Variants in ARNT2 observed in about 807,000 individuals in gnomAD.
ARNT2 encodes the protein ARNT protein 2.
Under a neutral mutation model 91.7 loss-of-function variants are expected in ARNT2, and 36 were observed. The observed-to-expected ratio is 0.39, with a 90% CI of 0.30 to 0.52. ARNT2 has a LOEUF of 0.52. Ranked by LOEUF, ARNT2 falls within the 20% of genes least tolerant of loss-of-function variation. The pLI, the probability that ARNT2 is intolerant of heterozygous loss-of-function variation, is 0.72. For synonymous variants in ARNT2, 365 were observed against 347.1 expected, an observed-to-expected ratio of 1.05 and a Z score of -0.57; for missense variants, 775 against 939.3, an observed-to-expected ratio of 0.83 and a Z score of 2.29.
At chr15:80,512,248 T>C (rs1459797950) in intron 6 of ARNT2, among the ~76,000 whole-genome samples, 1 of 152,180 alleles carries the variant, frequency 6.6e-6, no homozygotes, top group Non-Finnish European at 1.5e-5. Flanking sequence ...TCTCACCCAC[T>C]CCTTGGGCTC....
chr15:80,500,176 C>A (rs1383235679), intron 5 of ARNT2, among the ~76,000 whole-genome samples: 1 of 152,184 alleles, frequency 6.6e-6, no homozygotes, highest in African/African-American at 2.4e-5. Context: ...TGTCCTATGG[C>A]CTGGTGTTTT....
At chr15:80,448,356 A>C (rs961487057) in intron 1 of ARNT2, among the ~76,000 whole-genome samples, 1 of 152,258 alleles carries the variant, frequency 6.6e-6, no homozygotes, top group Non-Finnish European at 1.5e-5. Flanking sequence ...ACTAGACATG[A>C]AATCAGACAA....
chr15:80,448,175 T>C (rs1896333273), intron 1 of ARNT2, among the ~76,000 whole-genome samples: 1 of 152,220 alleles, frequency 6.6e-6, no homozygotes, highest in Admixed American at 6.5e-5. Flanking sequence ...CAGCTGACAC[T>C]TTGACCTAGA....
chr15:80,530,358 T>G (rs1407155470), intron 8 of ARNT2, among the ~76,000 whole-genome samples: 2 of 152,128 alleles, frequency 1.3e-5, no homozygotes, highest in African/African-American at 4.8e-5. Context: ...GCCACCATAC[T>G]GCTTGCTGGG....
chr15:80,486,884 A>T (rs1299290708), intron 5 of ARNT2, among the ~76,000 whole-genome samples: 1 of 152,166 alleles, frequency 6.6e-6, no homozygotes, highest in African/African-American at 2.4e-5. Context: ...GCCCATTCAG[A>T]TGTGAACGTG....
chr15:80,449,455 A>G (rs956634090), intron 1 of ARNT2, among the ~76,000 whole-genome samples: 6 of 152,184 alleles, frequency 3.9e-5, no homozygotes, highest in Non-Finnish European at 7.4e-5. Context: ...AATACTGTCT[A>G]GCTGTCACAA....
At chr15:80,443,181 A>G (rs567317463) in intron 1 of ARNT2, among the ~76,000 whole-genome samples, 23 of 152,368 alleles carry the variant, frequency 1.5e-4, no homozygotes, top group African/African-American at 5.5e-4. Context: ...TTCTTGCCAG[A>G]GGACATAGCA....
At chr15:80,579,810 C>T (rs966865944) in intron 15 of ARNT2, among the ~76,000 whole-genome samples, 21 of 152,136 alleles carry the variant, frequency 1.4e-4, no homozygotes, top group African/African-American at 4.6e-4. Context: ...GCAGAGAGCA[C>T]GGCACACAGC....
intron 5 of ARNT2, among the ~76,000 whole-genome samples, chr15:80,500,641 G>A (rs1439655830): frequency 1.3e-5 from 2 of 152,104 alleles, no homozygotes; most frequent in African/African-American, 2.4e-5. Context: ...TTACAGAAGG[G>A]CCCTCTGCCC....
intron 8 of ARNT2, among the ~76,000 whole-genome samples, chr15:80,522,472 A>T (rs1213265728): frequency 2.0e-5 from 3 of 152,152 alleles, no homozygotes; most frequent in African/African-American, 7.2e-5. Flanking sequence ...AGGCAATTTA[A>T]TCGTTGTGTG....
At chr15:80,413,824 G>A (rs1389550479) in intron 1 of ARNT2, among the ~76,000 whole-genome samples, 1 of 152,148 alleles carries the variant, frequency 6.6e-6, no homozygotes. Flanking sequence ...GGGAGGTGGG[G>A]CCAAAGGAGA....
chr15:80,589,693 G>A (rs1431046294), intron 17 of ARNT2, among the ~76,000 whole-genome samples: 1 of 152,158 alleles, frequency 6.6e-6, no homozygotes, highest in Non-Finnish European at 1.5e-5. Context: ...TCCAGCTGGC[G>A]ATGCTACTGT....
chr15:80,420,530 G>A (rs915197016), intron 1 of ARNT2, among the ~76,000 whole-genome samples: 2 of 151,656 alleles, frequency 1.3e-5, no homozygotes, highest in Non-Finnish European at 2.9e-5. Flanking sequence ...ATTTACGATG[G>A]GTTTATTGAA....
At chr15:80,415,942 C>T (rs1595952933) in intron 1 of ARNT2, among the ~76,000 whole-genome samples, 1 of 152,164 alleles carries the variant, frequency 6.6e-6, no homozygotes, top group East Asian at 1.9e-4. Flanking sequence ...TTGCCAGAAA[C>T]CTCCAAGTTG....
chr15:80,543,887 C>T (rs767920704), intron 8 of ARNT2, among the ~76,000 whole-genome samples: 59 of 152,060 alleles, frequency 3.9e-4, no homozygotes, highest in Non-Finnish European at 3.8e-4. Context: ...ATTACAGGCA[C>T]GTGCCACCAT....
intron 12 of ARNT2, 93 bp from the exon 13 acceptor site, chr15:80,574,055 A>G (rs1898626566): frequency 1.0e-6 from 1 of 976,182 alleles, no homozygotes; most frequent in South Asian, 1.3e-5. Context: ...GATATCACCC[A>G]CTCTGCCTCT....
intron 1 of ARNT2, among the ~76,000 whole-genome samples, chr15:80,433,380 G>A (rs1016120689): frequency 5.9e-5 from 9 of 151,768 alleles, no homozygotes; most frequent in African/African-American, 1.9e-4. Context: ...CTGCCTCCCA[G>A]GTTCAAGTGA....
At chr15:80,563,036 G>A (rs377428762) in intron 11 of ARNT2, 52 bp from the exon 12 acceptor site, 36 of 1,607,462 alleles carry the variant, frequency 2.2e-5, no homozygotes, top group African/African-American at 5.4e-5. Context: ...CCCTCCTCCC[G>A]TTTGGCACCA....
intron 5 of ARNT2, among the ~76,000 whole-genome samples, chr15:80,498,297 A>T (rs1402675159): frequency 6.6e-6 from 1 of 152,076 alleles, no homozygotes; most frequent in Non-Finnish European, 1.5e-5. Context: ...AGGAGGAGAG[A>T]GGAGCTTAAG....
Sources: allele counts gnomAD v4.1 joint callset (sites outside exome capture counted in the v4.1 genomes callset), GRCh38; gene constraint gnomAD v4.1.1; transcripts MANE v1.5; gene names NCBI Gene and HGNC (gene_info 2026-07-23, HGNC 2026-07-21).